TOGARAM2: variants seen among roughly 807,000 people sequenced by gnomAD.
TOGARAM2 encodes the protein TOG array regulator of axonemal microtubules protein 2.
Under a neutral mutation model 93.3 loss-of-function variants are expected in TOGARAM2, and 85 were observed. That is an observed-to-expected ratio of 0.91 (90% CI 0.76 to 1.09). TOGARAM2 has a LOEUF of 1.09. Among genes scored for constraint, TOGARAM2 ranks in the 50% least tolerant of loss-of-function variants. The pLI is 0.00. For missense variants in TOGARAM2, 1,277 were observed against 1,334.5 expected (o/e 0.96, Z 0.67); for synonymous variants, 593 against 552.8 (o/e 1.07, Z -1.02).
chr2:29,021,606 G>T (rs1262677747), intron 10 of TOGARAM2, among the ~76,000 whole-genome samples: 2 of 152,226 alleles, frequency 1.3e-5, no homozygotes, highest in African/African-American at 2.4e-5. Flanking sequence ...GCTGCATCTG[G>T]ACTGTGTGGG....
At chr2:28,991,127 A>C (rs1293391929) in intron 1 of TOGARAM2, among the ~76,000 whole-genome samples, 3 of 151,776 alleles carry the variant, frequency 2.0e-5, no homozygotes, top group Non-Finnish European at 4.4e-5. Context: ...GTTATTTCTA[A>C]CATTACTTCA....
chr2:29,031,648 T>A (rs1665771862), intron 14 of TOGARAM2, among the ~76,000 whole-genome samples: 1 of 152,206 alleles, frequency 6.6e-6, no homozygotes. Flanking sequence ...GTGGAAGGAA[T>A]GACCAAGTCC....
At chr2:29,033,687 T>C (rs1459184824) in intron 16 of TOGARAM2, 124 bp downstream of exon 16, 3 of 809,720 alleles carry the variant, frequency 3.7e-6, no homozygotes, top group Admixed American at 2.7e-5. Flanking sequence ...TGAGACCTAG[T>C]TGGGGCTGCA....
chr2:29,046,414 C>T (rs1446940867), intron 19 of TOGARAM2: 1 of 152,254 alleles, frequency 6.6e-6, no homozygotes, highest in Admixed American at 6.5e-5. Flanking sequence ...GGGAAGGTCC[C>T]ATCTAGGGAG....
chr2:29,035,336 T>G (rs1572766359), intron 16 of TOGARAM2, 128 bp from the exon 17 acceptor site: 1 of 794,980 alleles, frequency 1.3e-6, no homozygotes, highest in Non-Finnish European at 1.7e-6. Flanking sequence ...AAGCTGGGGG[T>G]GGACTAACCT....
Position 28,988,594 on chromosome 2 carries a change from T to C in TOGARAM2, c.-110-6131T>C, listed in dbSNP as rs75430210. Among the ~76,000 whole-genome samples the C allele has an allele frequency of 8.0e-3, 1,210 of 152,200 alleles. 23 individuals are homozygous for C. The highest frequency in any genetic ancestry group is 0.028 in the African/African-American group (1,158 of 41,522). On this transcript the variant is annotated intron_variant, in intron 1 of 19. Transcript: ENST00000379558. ...GAACACGCTCTAGAATCTCCTACCCTGAAAAATACAGAGAACAAACAAGCA... is the reference window on the plus strand; with the variant it reads ...GAACACGCTCTAGAATCTCCTACCCCGAAAAATACAGAGAACAAACAAGCA...
upstream of TOGARAM2, among the ~76,000 whole-genome samples, chr2:28,976,842 C>T (rs1402886534): frequency 6.6e-6 from 1 of 152,208 alleles, no homozygotes; most frequent in East Asian, 1.9e-4. Flanking sequence ...TGTTCTGTGT[C>T]CTTGGCAGTG....
intron 1 of TOGARAM2, among the ~76,000 whole-genome samples, chr2:28,993,018 C>T (rs1319498551): frequency 6.7e-6 from 1 of 149,348 alleles, no homozygotes; most frequent in Admixed American, 6.7e-5. Context: ...CAAGATCATG[C>T]CACTGCACTC....
At chr2:29,028,063 G>A (rs1558452241) in intron 14 of TOGARAM2, among the ~76,000 whole-genome samples, 1 of 152,198 alleles carries the variant, frequency 6.6e-6, no homozygotes, top group Non-Finnish European at 1.5e-5. Flanking sequence ...GCAGGAGAGC[G>A]AGAGGATCTG....
intron 1 of TOGARAM2, among the ~76,000 whole-genome samples, chr2:28,985,134 C>T (rs576885883): frequency 5.9e-5 from 9 of 152,176 alleles, no homozygotes; most frequent in South Asian, 2.1e-4. Flanking sequence ...CAGATGAGGT[C>T]GTGAGGGTGG....
rs1182151948 is a variant in TOGARAM2 at position 29,052,033 on chromosome 2, C to CA, written c.3001dup (p.Arg1001LysfsTer6). On this transcript the variant is annotated frameshift_variant, in exon 20 of 20. Transcript: ENST00000379558. LOFTEE classifies it low-confidence loss of function (END_TRUNC). The stretch of plus-strand genomic sequence containing the variant: ...TGGGAGGCAGCCGCAAGGCCACTGA[C>CA]AGAGGGGTGGCCCCTGACAGCAAGA... 3.7e-6 allele frequency: 6 copies of CA among 1,607,318 alleles called. No individual in the cohort carries two copies. The East Asian group carries it at 1.3e-4, about 36-fold the overall frequency.
chr2:29,043,515 T>C lies in TOGARAM2; in HGVS notation c.2636-1809T>C, dbSNP rs140705809. Among the ~76,000 whole-genome samples, 18 of 151,828 alleles carry C rather than the reference T, an allele frequency of 1.2e-4. 1 individual carries two copies. The highest frequency in any genetic ancestry group is 3.4e-4 in the African/African-American group (14 of 41,392). ...AAACTCTGTCCCCTGTAAAGAGAAG[T>C]CTGGCCTGGAGAAGGTCAGCTCCTG... On this transcript the variant is annotated intron_variant, in intron 18 of 19. Coordinates refer to ENST00000379558, the MANE Select transcript of TOGARAM2 (RefSeq NM_199280.4).
intron 1 of TOGARAM2, among the ~76,000 whole-genome samples, chr2:28,959,524 G>C (rs111408503): frequency 6.5e-4 from 99 of 152,222 alleles, no homozygotes; most frequent in African/African-American, 1.8e-3. Flanking sequence ...AAGGCCGAGG[G>C]GGGCGGATCA....
intron 13 of TOGARAM2, among the ~76,000 whole-genome samples, chr2:29,024,668 G>A (rs952098755): frequency 2.2e-4 from 33 of 152,264 alleles, no homozygotes; most frequent in Admixed American, 1.4e-3. Context: ...ACCTTTCATC[G>A]GCCAGGCCGG....
At chr2:29,004,761 T>C (rs1031104082) in intron 6 of TOGARAM2, among the ~76,000 whole-genome samples, 1 of 151,414 alleles carries the variant, frequency 6.6e-6, no homozygotes, top group Admixed American at 6.6e-5. Context: ...TGTCTGAGTG[T>C]GTGTGTGCAT....
chr2:28,957,245 G>C (rs1388630849), intron 1 of TOGARAM2, among the ~76,000 whole-genome samples: 1 of 151,976 alleles, frequency 6.6e-6, no homozygotes, highest in African/African-American at 2.4e-5. Flanking sequence ...GCCCAGTATG[G>C]AGTGTAGTGG....
chr2:28,988,176 A>C (rs2148251320), intron 1 of TOGARAM2, among the ~76,000 whole-genome samples: 1 of 152,312 alleles, frequency 6.6e-6, no homozygotes, highest in South Asian at 2.1e-4. Flanking sequence ...TTGAAATCAC[A>C]AGGGTAGGTG....
At chr2:29,017,754 A>G in intron 9 of TOGARAM2, 38 bp from the exon 10 acceptor site, 1 of 1,536,504 alleles carries the variant, frequency 6.5e-7, no homozygotes, top group Non-Finnish European at 8.8e-7. Flanking sequence ...AGGGGAAAAC[A>G]GACCTGCCTA....
intron 1 of TOGARAM2, among the ~76,000 whole-genome samples, chr2:28,992,046 A>C (rs1430760931): frequency 1.3e-5 from 2 of 152,118 alleles, no homozygotes; most frequent in African/African-American, 4.8e-5. Flanking sequence ...CTGTTCTAAC[A>C]GGGGAGAGTA....
Sources: gnomAD v4.1 joint callset for allele counts (sites outside exome capture counted in the v4.1 genomes callset) on GRCh38, gnomAD v4.1.1 for gene constraint, MANE v1.5 for transcripts, NCBI Gene and HGNC (gene_info 2026-07-23, HGNC 2026-07-21) for gene names.